ACBD7: variants seen among roughly 807,000 people sequenced by gnomAD.
ACBD7 encodes the protein acyl-CoA binding domain containing 7.
A neutral mutation model predicts 13.7 loss-of-function variants in ACBD7; 11 were observed. That is an observed-to-expected ratio of 0.80 (90% CI 0.50 to 1.33). The LOEUF is 1.33. Among genes scored for constraint, ACBD7 ranks in the 40% most tolerant of loss-of-function variants. The probability of loss-of-function intolerance (pLI) is 0.00; values close to 1 mark genes in which losing one functional copy is unlikely to be tolerated. For missense variants in ACBD7, 111 were observed against 103.0 expected (o/e 1.08, Z -0.33); for synonymous variants, 43 against 37.7 (o/e 1.14, Z -0.51).
At position 15,076,418 on chromosome 10, in the gene ACBD7, G is replaced by A. The variant is rs1303300767; in HGVS notation, c.*2112C>T. 2 of 979,706 alleles carry A rather than the reference G, an allele frequency of 2.0e-6. No homozygotes were observed. Among genetic ancestry groups the A allele is most frequent in the Non-Finnish European group, 2.4e-6 (2 of 825,060 alleles). The allele number at this position is 979,706 out of a possible 1,614,324, so 60.7% of individuals were successfully genotyped here. A position where few individuals can be genotyped will look rare whatever the true frequency, so the allele number is the denominator to read the frequency against. On this transcript the variant is annotated 3_prime_UTR_variant, in exon 4 of 4. Transcript: ENST00000356189. ...TTTAGTTTGCCTTTTTGTCTTAAATGTCTTAAATGTAAAAATTTAAAGAAA... is the reference window on the plus strand; with the variant it reads ...TTTAGTTTGCCTTTTTGTCTTAAATATCTTAAATGTAAAAATTTAAAGAAA...
rs1192201177 is a variant in ACBD7 at position 15,088,754 on chromosome 10, C to G, written c.-26G>C. ...GGTGGCGGCTGCCGCGTTGTTGCTGCTGCTGTTGTCGTCCGGTGCTCTGCC... is the reference window on the plus strand; with the variant it reads ...GGTGGCGGCTGCCGCGTTGTTGCTGGTGCTGTTGTCGTCCGGTGCTCTGCC... On this transcript the variant is annotated 5_prime_UTR_variant, in exon 1 of 4. Transcript: ENST00000356189. 3.1e-6 allele frequency: 5 copies of G among 1,598,226 alleles called. No individual in the cohort carries two copies. The East Asian group carries it at 1.2e-4, about 37-fold the overall frequency.
chr10:15,081,078 A>G lies in ACBD7; in HGVS notation c.13-2038T>C, dbSNP rs1844743757. ...GAGTGGCAGGGTCAAGTTTCCTTCC[A>G]GCCCCAAAGACAGGCAGTACTGTGG... On this transcript the variant is annotated intron_variant, in intron 1 of 3. Coordinates refer to ENST00000356189, the MANE Select transcript of ACBD7 (RefSeq NM_001039844.3). 2.6e-5 allele frequency among the ~76,000 whole-genome samples: 4 copies of G among 152,298 alleles called. No homozygotes were observed. The South Asian group carries it at 8.3e-4, about 32-fold the overall frequency.
At chr10:15,080,409 G>A (rs778451432) in intron 1 of ACBD7, among the ~76,000 whole-genome samples, 20 of 152,004 alleles carry the variant, frequency 1.3e-4, no homozygotes, top group Non-Finnish European at 2.8e-4. Context: ...GCAAAACCCT[G>A]TCTCTACTAA....
chr10:15,076,408 T>C lies in ACBD7; in HGVS notation c.*2122A>G. 1 of 979,640 alleles carries C rather than the reference T, an allele frequency of 1.0e-6. No homozygotes were observed. The highest frequency in any genetic ancestry group is 1.2e-6 in the Non-Finnish European group (1 of 824,730). 60.7% of individuals were successfully genotyped at this position (979,640 alleles called of 1,614,324 possible). ...CTAGATACATTTTAGTTTGCCTTTT[T>C]GTCTTAAATGTCTTAAATGTAAAAA... On this transcript the variant is annotated 3_prime_UTR_variant, in exon 4 of 4. Coordinates refer to ENST00000356189, the MANE Select transcript of ACBD7 (RefSeq NM_001039844.3).
intron 1 of ACBD7, among the ~76,000 whole-genome samples, chr10:15,086,915 A>T (rs948758441): frequency 1.2e-4 from 18 of 151,648 alleles, no homozygotes; most frequent in African/African-American, 4.4e-4. Flanking sequence ...CAGGAGGCTG[A>T]GGCAGGAGAA....
At chr10:15,088,639 C>T in intron 1 of ACBD7, 78 bp downstream of exon 1, 3 of 1,551,770 alleles carry the variant, frequency 1.9e-6, no homozygotes, top group Non-Finnish European at 2.6e-6. Context: ...CCAGGGGCGC[C>T]AAGCCCACCC....
At position 15,076,354 on chromosome 10, in the gene ACBD7, A is replaced by G; in HGVS notation, c.*2176T>C. On this transcript the variant is annotated 3_prime_UTR_variant, in exon 4 of 4. Coordinates refer to ENST00000356189, the MANE Select transcript of ACBD7 (RefSeq NM_001039844.3). ...TTTTTACTCAGATAGAACTGAACAT[A>G]TGGGGTACAGTAGTGGTACAGTTTA... 1.0e-6 allele frequency: 1 copy of G among 985,288 alleles called. No homozygotes were observed. 61.0% of individuals were successfully genotyped at this position (985,288 alleles called of 1,614,324 possible). A position where few individuals can be genotyped will look rare whatever the true frequency, so the allele number is the denominator to read the frequency against.
At chr10:15,087,932 G>C (rs1423489444) in intron 1 of ACBD7, among the ~76,000 whole-genome samples, 1 of 152,094 alleles carries the variant, frequency 6.6e-6, no homozygotes, top group Non-Finnish European at 1.5e-5. Context: ...AGGTTGCAGT[G>C]AGCAGAGGTT....
intron 1 of ACBD7, among the ~76,000 whole-genome samples, chr10:15,080,983 T>C (rs1844743089): frequency 6.6e-6 from 1 of 152,110 alleles, no homozygotes; most frequent in African/African-American, 2.4e-5. Flanking sequence ...CAGAGCTCCC[T>C]TTGGATCCAA....
intron 1 of ACBD7, among the ~76,000 whole-genome samples, chr10:15,086,387 A>G (rs944758444): frequency 2.0e-5 from 3 of 152,150 alleles, no homozygotes; most frequent in Admixed American, 6.5e-5. Context: ...GGTCGATGTT[A>G]ATACTTCTTA....
At position 15,078,752 on chromosome 10, in the gene ACBD7, C is replaced by T. The variant is rs768328881; in HGVS notation, c.132G>A (p.Ala44=). ...CTTTTAAATCTAGCATTCCTGGACA[C>T]GCTGGCAAAAGAAGGAGACATGCAT... is the stretch of plus-strand genomic sequence containing the variant. The part of the protein sequence containing the change: ...KQAIVGDINI[A]CPGMLDLKGK... Residue 44 remains alanine (A), a splice_region_variant and synonymous_variant, in exon 3 of 4, where the codon GCG becomes GCA. Transcript: ENST00000356189. 16 of 1,613,512 alleles carry T rather than the reference C, an allele frequency of 9.9e-6. No homozygotes were observed. Among genetic ancestry groups the T allele is most frequent in the Admixed American group, 3.3e-5 (2 of 59,928 alleles).
chr10:15,082,513 A>G (rs1844761617), intron 1 of ACBD7, among the ~76,000 whole-genome samples: 1 of 152,234 alleles, frequency 6.6e-6, no homozygotes. Flanking sequence ...CAAATCTTCT[A>G]TAATGTGCAT....
chr10:15,080,631 GAGT>G (rs773382997), intron 1 of ACBD7, among the ~76,000 whole-genome samples: 1 of 152,088 alleles, frequency 6.6e-6, no homozygotes, highest in Non-Finnish European at 1.5e-5. Context: ...GCCTTGTCCT[GAGT>G]TAGCTCTGAT....
intron 1 of ACBD7, among the ~76,000 whole-genome samples, chr10:15,085,423 C>G (rs566410244): frequency 3.3e-5 from 5 of 152,354 alleles, no homozygotes; most frequent in Admixed American, 2.0e-4. Flanking sequence ...CCTGACTTTA[C>G]TTTCTGCAAT....
intron 1 of ACBD7, among the ~76,000 whole-genome samples, chr10:15,080,667 C>G (rs982987076): frequency 2.0e-4 from 30 of 152,164 alleles, no homozygotes; most frequent in African/African-American, 7.0e-4. Flanking sequence ...CCTAACCCCG[C>G]AAGACCCTCA....
At position 15,077,494 on chromosome 10, in the gene ACBD7, T is replaced by G. The variant is rs894071645; in HGVS notation, c.*1036A>C. 1.3e-5 allele frequency: 2 copies of G among 152,024 alleles called. No homozygotes were observed. Among genetic ancestry groups the G allele is most frequent in the East Asian group, 3.9e-4 (2 of 5,182 alleles). 9.4% of individuals were successfully genotyped at this position (152,024 alleles called of 1,614,324 possible). A position where few individuals can be genotyped will look rare whatever the true frequency, so the allele number is the denominator to read the frequency against. ...TGGAAAGGTGGGAGGGGGTGAGGGATGAGCAATTACCTTTTGGGTACAATG... is the reference window on the plus strand; with the variant it reads ...TGGAAAGGTGGGAGGGGGTGAGGGAGGAGCAATTACCTTTTGGGTACAATG... On this transcript the variant is annotated 3_prime_UTR_variant, in exon 4 of 4. Transcript: ENST00000356189.
rs1000098112 is a variant in ACBD7, at chr10:15,075,989, A to C, written c.*2541T>G. ...AGCCTGTCTCAACAAAAAAAAAAAAAAAAAAAAAGAAAAGAAAAAGAATGT... is the reference window on the plus strand; with the variant it reads ...AGCCTGTCTCAACAAAAAAAAAAAACAAAAAAAAGAAAAGAAAAAGAATGT... On this transcript the variant is annotated 3_prime_UTR_variant, in exon 4 of 4. Transcript: ENST00000356189. The C allele has an allele frequency of 1.6e-6, 1 of 632,292 alleles. No homozygotes were observed. The highest frequency in any genetic ancestry group is 1.4e-4 in the East Asian group (1 of 7,292). The allele number at this position is 632,292 out of a possible 1,614,324, so 39.2% of individuals were successfully genotyped here.
chr10:15,076,027 A>T lies in ACBD7; in HGVS notation c.*2503T>A. 9.5e-6 allele frequency: 7 copies of T among 736,348 alleles called. No individual in the cohort carries two copies. The highest frequency in any genetic ancestry group is 1.2e-5 in the Non-Finnish European group (7 of 602,812). 45.6% of individuals were successfully genotyped at this position (736,348 alleles called of 1,614,324 possible). A position where few individuals can be genotyped will look rare whatever the true frequency, so the allele number is the denominator to read the frequency against. ...AGAAAAAGAATGTTATATAAATGGA[A>T]TTATACATGTCACATTTGGGGACTG... On this transcript the variant is annotated 3_prime_UTR_variant, in exon 4 of 4. Transcript: ENST00000356189.
chr10:15,087,320 C>T (rs931488059), intron 1 of ACBD7, among the ~76,000 whole-genome samples: 8 of 151,650 alleles, frequency 5.3e-5, no homozygotes, highest in Admixed American at 2.6e-4. Context: ...AACTGAGGCA[C>T]GGAGAGGTTA....
Sources: gnomAD v4.1 joint callset for allele counts (sites outside exome capture counted in the v4.1 genomes callset) on GRCh38, gnomAD v4.1.1 for gene constraint, MANE v1.5 for transcripts, NCBI Gene and HGNC (gene_info 2026-07-23, HGNC 2026-07-21) for gene names.